NFIB: variants seen among roughly 807,000 people sequenced by gnomAD.
NFIB encodes the protein nuclear factor I B, also known as nuclear factor 1 B-type.
NFIB carries 11 observed loss-of-function variants against 61.5 expected under a neutral mutation model. The ratio of observed to expected loss-of-function variants is 0.18; its 90% CI spans 0.11 to 0.30. The LOEUF (loss-of-function observed/expected upper bound fraction) is 0.30, where lower values mean the gene tolerates loss of function less well. Among genes scored for constraint, NFIB ranks in the 10% least tolerant of loss-of-function variants. NFIB has a pLI of 1.00. For missense variants in NFIB, 471 were observed against 608.9 expected (o/e 0.77, Z 2.38); for synonymous variants, 260 against 216.5 (o/e 1.20, Z -1.76).
At chr9:14,320,083 C>T (rs888041324) in intron 1 of NFIB, among the ~76,000 whole-genome samples, 3 of 152,158 alleles carry the variant, frequency 2.0e-5, no homozygotes, top group African/African-American at 7.2e-5. Flanking sequence ...CACATTCACT[C>T]AAAATTATGC....
intron 1 of NFIB, among the ~76,000 whole-genome samples, chr9:14,368,378 A>G (rs948367321): frequency 7.2e-5 from 11 of 152,166 alleles, no homozygotes; most frequent in Non-Finnish European, 1.6e-4. Flanking sequence ...TTACTCCTGA[A>G]ATGCTTTTAA....
intron 1 of NFIB, among the ~76,000 whole-genome samples, chr9:14,385,549 TAATATG>T (rs2061539778): frequency 6.6e-6 from 1 of 152,184 alleles, no homozygotes; most frequent in Non-Finnish European, 1.5e-5. Context: ...TCGCATATGT[TAATATG>T]AATAACACAG....
rs535781302 is a variant in NFIB, at chr9:14,360,905, T to C, written c.108+37619A>G. On this transcript the variant is annotated intron_variant, in intron 1 of 8. Coordinates refer to the NFIB transcript ENST00000380934. ...TACCTTTGGTTAATTTTGTACCTTT[T>C]GATAATTTTTATTTGTTAGTGTGGA... 3.3e-5 allele frequency among the ~76,000 whole-genome samples: 5 copies of C among 152,252 alleles called. No homozygotes were observed. The South Asian group carries it at 8.3e-4, about 25-fold the overall frequency.
intron 1 of NFIB, among the ~76,000 whole-genome samples, chr9:14,358,204 T>C (rs1197568752): frequency 6.7e-6 from 1 of 148,316 alleles, no homozygotes; most frequent in Admixed American, 6.7e-5. Flanking sequence ...ATATAACTCA[T>C]ATATCAATAA....
At chr9:14,282,518 T>C (rs531404025) in intron 2 of NFIB, among the ~76,000 whole-genome samples, 7 of 152,362 alleles carry the variant, frequency 4.6e-5, no homozygotes, top group Admixed American at 1.3e-4. Flanking sequence ...GATGTGACTT[T>C]CTAATGTGAT....
the NFIB span, among the ~76,000 whole-genome samples, chr9:14,456,195 A>C: frequency 1.4e-3 from 191 of 141,340 alleles, no homozygotes; most frequent in African/African-American, 4.8e-3. Flanking sequence ...AAGTACCTGG[A>C]GTAACTACTT....
At position 14,085,956 on chromosome 9, in the gene NFIB, C is replaced by T. The variant is rs1443640422; in HGVS notation, c.*2353G>A. ...AAATATGAGACAGGCTCACTCTCCA[C>T]TGTGGATCTGGAACTTTCAAGAAAA... On this transcript the variant is annotated 3_prime_UTR_variant, in exon 11 of 11. Coordinates refer to ENST00000380953, the MANE Select transcript of NFIB (RefSeq NM_001190737.2). 4 of 229,178 alleles carry T rather than the reference C, an allele frequency of 1.7e-5. No individual in the cohort carries two copies. The highest frequency in any genetic ancestry group is 1.7e-4 in the Admixed American group (3 of 17,648). The allele number at this position is 229,178 out of a possible 1,614,324, so 14.2% of individuals were successfully genotyped here.
intron 1 of NFIB, among the ~76,000 whole-genome samples, chr9:14,312,777 G>A (rs961576884): frequency 6.6e-5 from 10 of 152,138 alleles, no homozygotes; most frequent in Non-Finnish European, 1.3e-4. Flanking sequence ...ATCGTCAAAT[G>A]AACAGGTTTC....
At chr9:14,338,724 T>C (rs948188031) in intron 1 of NFIB, among the ~76,000 whole-genome samples, 2 of 152,050 alleles carry the variant, frequency 1.3e-5, no homozygotes, top group Non-Finnish European at 2.9e-5. Flanking sequence ...TTTCTTCTTT[T>C]CTTCCTTCCT....
At chr9:14,280,895 T>C (rs984585306) in intron 2 of NFIB, among the ~76,000 whole-genome samples, 1 of 152,182 alleles carries the variant, frequency 6.6e-6, no homozygotes, top group South Asian at 2.1e-4. Context: ...ATAGTTGTGA[T>C]CATTTAAAAA....
the NFIB span, among the ~76,000 whole-genome samples, chr9:14,486,389 T>C: frequency 2.6e-5 from 4 of 152,078 alleles, no homozygotes; most frequent in South Asian, 2.1e-4. Flanking sequence ...GGAGGATTCG[T>C]TGTCAAGGAA....
the NFIB span, among the ~76,000 whole-genome samples, chr9:14,424,350 A>G: frequency 1.3e-5 from 2 of 152,178 alleles, no homozygotes; most frequent in Admixed American, 6.5e-5. Flanking sequence ...ATGTGAAAAA[A>G]GTGTTCGAGG....
the NFIB span, among the ~76,000 whole-genome samples, chr9:14,405,716 C>T: frequency 5.3e-5 from 8 of 152,134 alleles, no homozygotes; most frequent in Non-Finnish European, 4.4e-5. Flanking sequence ...AAATTGACTG[C>T]TTCCAAAAAA....
At chr9:14,301,772 CTGGTGGGAGA>C (rs2059765268) in intron 2 of NFIB, among the ~76,000 whole-genome samples, 3 of 152,316 alleles carry the variant, frequency 2.0e-5, no homozygotes, top group South Asian at 2.1e-4. Context: ...GGGTGAACTT[CTGGTGGGAGA>C]CTGTGTTTTC....
chr9:14,471,483 C>A, the NFIB span, among the ~76,000 whole-genome samples: 17 of 152,212 alleles, frequency 1.1e-4, no homozygotes, highest in African/African-American at 3.9e-4. Flanking sequence ...GTGCAGTAAG[C>A]AACACGTGGA....
intron 2 of NFIB, among the ~76,000 whole-genome samples, chr9:14,242,611 T>C (rs916115809): frequency 6.6e-6 from 1 of 152,242 alleles, no homozygotes; most frequent in Non-Finnish European, 1.5e-5. Flanking sequence ...GCAAGCACTG[T>C]CTGCTGAAGC....
In NFIB at chr9:14,235,883, C is replaced by A. The variant is rs528777322; in HGVS notation, c.563-56103G>T. 3.3e-5 allele frequency among the ~76,000 whole-genome samples: 5 copies of A among 152,246 alleles called. No individual in the cohort carries two copies. In the East Asian group the frequency reaches 9.7e-4, roughly 29 times the overall value. ...TTGAACTTTAACTATGAAACTTTAC[C>A]CACTGGGTTTTTAACACAATTACTA... is the stretch of plus-strand genomic sequence containing the variant. On this transcript the variant is annotated intron_variant, in intron 2 of 10. Transcript: ENST00000380953.
At chr9:14,392,506 TTGCTTGAGCC>T (rs2061635894) in intron 1 of NFIB, among the ~76,000 whole-genome samples, 1 of 152,130 alleles carries the variant, frequency 6.6e-6, no homozygotes, top group Non-Finnish European at 1.5e-5. Context: ...GGCTGATGGA[TTGCTTGAGCC>T]CAGGAGTTTG....
chr9:14,144,537 T>C (rs1011519315), intron 6 of NFIB, among the ~76,000 whole-genome samples: 1 of 152,218 alleles, frequency 6.6e-6, no homozygotes, highest in African/African-American at 2.4e-5. Flanking sequence ...TGCCTATCAA[T>C]GGTTCATTTA....
Sources: gnomAD v4.1 joint callset for allele counts (sites outside exome capture counted in the v4.1 genomes callset) on GRCh38, gnomAD v4.1.1 for gene constraint, MANE v1.5 for transcripts, NCBI Gene and HGNC (gene_info 2026-07-23, HGNC 2026-07-21) for gene names.